Variants in LSAMP observed in about 807,000 individuals in gnomAD.
The protein encoded by LSAMP is limbic system associated membrane protein.
LSAMP carries 7 observed loss-of-function variants against 38.6 expected under a neutral mutation model. The ratio of observed to expected loss-of-function variants is 0.18; its 90% CI spans 0.10 to 0.34. The LOEUF (loss-of-function observed/expected upper bound fraction) is 0.34. LSAMP is among the 10% of genes least tolerant of loss of function. The probability of loss-of-function intolerance (pLI) is 1.00; values close to 1 mark genes in which losing one functional copy is unlikely to be tolerated. For synonymous variants in LSAMP, 154 were observed against 166.8 expected (o/e 0.92, Z 0.59); for missense variants, 313 against 420.0 (o/e 0.75, Z 2.23).
chr3:116,352,919 C>T (rs1448768158), intron 1 of LSAMP, among the ~76,000 whole-genome samples: 1 of 152,028 alleles, frequency 6.6e-6, no homozygotes, highest in East Asian at 1.9e-4. Context: ...CATTGGTTGT[C>T]TGAACAAAGA....
chr3:116,337,828 A>G (rs2047941893), intron 1 of LSAMP, among the ~76,000 whole-genome samples: 1 of 152,024 alleles, frequency 6.6e-6, no homozygotes, highest in Admixed American at 6.6e-5. Context: ...CTCATTACAA[A>G]TTCTGATTCT....
intron 1 of LSAMP, among the ~76,000 whole-genome samples, chr3:116,203,725 T>G (rs1265454099): frequency 3.9e-5 from 6 of 152,028 alleles, no homozygotes; most frequent in African/African-American, 1.4e-4. Context: ...ACAAAGGACA[T>G]GAACTCATCA....
intron 1 of LSAMP, among the ~76,000 whole-genome samples, chr3:116,144,562 CT>C (rs3071080): frequency 1.5e-4 from 22 of 142,142 alleles, no homozygotes; most frequent in African/African-American, 3.9e-4. Context: ...CATCACCTTA[CT>C]TTTTTTTTTT....
chr3:116,380,721 T>C (rs2048548023), intron 1 of LSAMP, among the ~76,000 whole-genome samples: 1 of 152,132 alleles, frequency 6.6e-6, no homozygotes, highest in Non-Finnish European at 1.5e-5. Flanking sequence ...GATTACAATC[T>C]GATTCTTATC....
At chr3:116,339,468 T>G (rs923968896) in intron 1 of LSAMP, among the ~76,000 whole-genome samples, 1 of 141,550 alleles carries the variant, frequency 7.1e-6, no homozygotes, top group Non-Finnish European at 1.6e-5. Flanking sequence ...ACTAATGAAG[T>G]TTTTTTTTTT....
chr3:116,098,381 C>T (rs1374022387), intron 1 of LSAMP, among the ~76,000 whole-genome samples: 3 of 152,120 alleles, frequency 2.0e-5, no homozygotes, highest in Non-Finnish European at 4.4e-5. Context: ...TGCCTGTAAT[C>T]CCAGCTACTC....
chr3:115,985,515 C>A (rs531421768), intron 3 of LSAMP, among the ~76,000 whole-genome samples: 9 of 152,302 alleles, frequency 5.9e-5, no homozygotes, highest in African/African-American at 2.2e-4. Flanking sequence ...CAGTGATTCT[C>A]GCCTCCTGAT....
At chr3:116,243,841 T>G (rs1180248707) in intron 1 of LSAMP, among the ~76,000 whole-genome samples, 5 of 152,248 alleles carry the variant, frequency 3.3e-5, no homozygotes, top group Non-Finnish European at 7.3e-5. Context: ...AAGCCAGGCT[T>G]AATTTATTAA....
At position 116,264,021 on chromosome 3, in the gene LSAMP, C is replaced by T. The variant is rs989547314; in HGVS notation, c.156-177465G>A. On this transcript the variant is annotated intron_variant, in intron 1 of 6. Coordinates refer to ENST00000490035, the MANE Select transcript of LSAMP (RefSeq NM_002338.5). ...AAAGTGATATTGTGCTGCTTCCAAA[C>T]AGGATGGCAATAAAACAAGTCTGCC... 6.1e-4 allele frequency among the ~76,000 whole-genome samples: 93 copies of T among 152,314 alleles called. 1 individual carries two copies. Among genetic ancestry groups the T allele is most frequent in the African/African-American group, 2.1e-3 (88 of 41,580 alleles).
chr3:116,403,494 GAA>G, intron 1 of LSAMP, among the ~76,000 whole-genome samples: 1 of 146,282 alleles, frequency 6.8e-6, no homozygotes, highest in East Asian at 2.0e-4. Context: ...TTCTTAAAAA[GAA>G]AAAAAAAATC....
intron 1 of LSAMP, among the ~76,000 whole-genome samples, chr3:116,137,479 C>T (rs1709276801): frequency 1.3e-5 from 2 of 152,098 alleles, no homozygotes; most frequent in Admixed American, 1.3e-4. Context: ...AATTTTGGAT[C>T]ATTACATGGA....
At chr3:116,226,450 C>T (rs1362550600) in intron 1 of LSAMP, among the ~76,000 whole-genome samples, 3 of 152,194 alleles carry the variant, frequency 2.0e-5, no homozygotes, top group Non-Finnish European at 4.4e-5. Flanking sequence ...ATAAAGCCAT[C>T]TGTTTGCTCT....
chr3:116,400,075 G>A (rs994706116), intron 1 of LSAMP, among the ~76,000 whole-genome samples: 1 of 152,178 alleles, frequency 6.6e-6, no homozygotes, highest in African/African-American at 2.4e-5. Flanking sequence ...TAAATATTAA[G>A]GCTACAGTAA....
chr3:116,068,197 T>C (rs1256556905), intron 2 of LSAMP, among the ~76,000 whole-genome samples: 1 of 152,216 alleles, frequency 6.6e-6, no homozygotes, highest in Non-Finnish European at 1.5e-5. Context: ...AGCAGATCAA[T>C]GAAAGTTGCA....
chr3:115,979,888 G>A (rs1027397710), intron 3 of LSAMP, among the ~76,000 whole-genome samples: 2 of 152,036 alleles, frequency 1.3e-5, no homozygotes, highest in Non-Finnish European at 2.9e-5. Flanking sequence ...ATAGGTTTTG[G>A]ACAGATTGAG....
chr3:115,829,610 G>T (rs1007446813), intron 6 of LSAMP, among the ~76,000 whole-genome samples: 3 of 152,144 alleles, frequency 2.0e-5, no homozygotes, highest in Non-Finnish European at 4.4e-5. Context: ...TAGGCTGATG[G>T]GTTGGCAGTC....
chr3:115,815,229 C>G (rs1279108988), intron 6 of LSAMP, among the ~76,000 whole-genome samples: 1 of 152,118 alleles, frequency 6.6e-6, no homozygotes, highest in Non-Finnish European at 1.5e-5. Context: ...TGTAGTTAAT[C>G]TCTTACGGGG....
At chr3:116,356,271 G>A (rs2048222481) in intron 1 of LSAMP, among the ~76,000 whole-genome samples, 2 of 152,190 alleles carry the variant, frequency 1.3e-5, no homozygotes, top group Non-Finnish European at 2.9e-5. Flanking sequence ...TCCTGTCTCT[G>A]TAACAACATG....
At chr3:116,145,122 C>T (rs1475775705) in intron 1 of LSAMP, among the ~76,000 whole-genome samples, 4 of 151,692 alleles carry the variant, frequency 2.6e-5, no homozygotes, top group East Asian at 1.9e-4. Flanking sequence ...TGGAAATTTG[C>T]TTTTGTTTAT....
Sources: allele counts gnomAD v4.1 joint callset (sites outside exome capture counted in the v4.1 genomes callset), GRCh38; gene constraint gnomAD v4.1.1; transcripts MANE v1.5; gene names NCBI Gene and HGNC (gene_info 2026-07-23, HGNC 2026-07-21).